Variants in NLRP14 observed in about 807,000 individuals in gnomAD.
The protein encoded by NLRP14 is NLR family pyrin domain containing 14, also known as NACHT, LRR and PYD domains-containing protein 14.
In NLRP14, 105 loss-of-function variants were observed where a neutral mutation model predicts 94.7. The ratio of observed to expected loss-of-function variants is 1.11; its 90% confidence interval spans 0.95 to 1.30. NLRP14 has a LOEUF of 1.30. NLRP14 is among the 50% of genes most tolerant of loss of function. NLRP14 has a pLI of 0.00. For missense variants in NLRP14, 1,362 were observed against 1,254.1 expected, an observed-to-expected ratio of 1.09 and a Z score of -1.30; for synonymous variants, 508 against 459.9, an observed-to-expected ratio of 1.10 and a Z score of -1.34.
At chr11:7,075,305 A>C (rs1268304652), downstream of NLRP14, among the ~76,000 whole-genome samples, 2 of 152,224 alleles carry the variant, frequency 1.3e-5, no homozygotes, top group Non-Finnish European at 2.9e-5. Context: ...CTAGTATTAA[A>C]ATTTTTGAAA....
intron 6 of NLRP14, among the ~76,000 whole-genome samples, chr11:7,054,648 G>A (rs560490923): frequency 2.2e-4 from 34 of 152,114 alleles, no homozygotes; most frequent in African/African-American, 6.3e-4. Context: ...TGGATAATTA[G>A]ATTTTTTTCC....
chr11:7,043,731 A>T lies in NLRP14; in HGVS notation c.1705A>T (p.Asn569Tyr). The change falls in exon 4 of 12, where the codon AAC becomes TAC. Residue 569 changes from asparagine (N) to tyrosine (Y), a missense_variant. Transcript: ENST00000299481. Reference protein sequence around the residue: ...KLLQCMEVLGNSDYSPSQLGF... With the variant: ...KLLQCMEVLGYSDYSPSQLGF... ...ACTTCAGTGTATGGAAGTATTAGGAAACAGTGACTATTCTCCATCACAGCT... is the reference window on the plus strand; with the variant it reads ...ACTTCAGTGTATGGAAGTATTAGGATACAGTGACTATTCTCCATCACAGCT... 6.2e-7 allele frequency: 1 copy of T among 1,614,168 alleles called. No homozygotes were observed. Among genetic ancestry groups the T allele is most frequent in the Non-Finnish European group, 8.5e-7 (1 of 1,180,002 alleles).
chr11:7,090,633 G>C, the NLRP14 span: 1 of 374,302 alleles, frequency 2.7e-6, no homozygotes, highest in East Asian at 6.9e-5. Context: ...ACAGTTCTAA[G>C]ATCTTTGATA....
At chr11:7,086,542 T>C in the NLRP14 span, among the ~76,000 whole-genome samples, 1 of 152,254 alleles carries the variant, frequency 6.6e-6, no homozygotes, top group Non-Finnish European at 1.5e-5. Flanking sequence ...GCAGAATTTA[T>C]ATGCCTTGTG....
rs1238551421 is a variant in NLRP14 at position 7,032,515 on chromosome 11, TAGACATGC to T, written c.-21-6040_-21-6033del. ...TCATGCATGTTTGTAAAATTCTCAG[TAGACATGC>T]AGACATGCAGTTTTTCAAGAGTGTA... On this transcript the variant is annotated intron_variant, in intron 1 of 11. Transcript: ENST00000299481. Among the ~76,000 whole-genome samples the T allele has an allele frequency of 1.2e-4, 18 of 152,316 alleles. No homozygotes were observed. In the East Asian group the frequency reaches 3.1e-3, roughly 26 times the overall value.
the NLRP14 span, among the ~76,000 whole-genome samples, chr11:7,081,331 G>A: frequency 1.2e-3 from 179 of 152,224 alleles, 1 homozygote; most frequent in Non-Finnish European, 6.6e-4. Flanking sequence ...GAGCCAAGTG[G>A]TCTAGGTGGT....
chr11:7,037,707 C>T (rs774086666), intron 1 of NLRP14, among the ~76,000 whole-genome samples: 3 of 152,058 alleles, frequency 2.0e-5, no homozygotes, highest in South Asian at 2.1e-4. Context: ...GAACTGTCAC[C>T]GAGTAAGGGC....
chr11:7,049,551 A>G (rs1852410624), intron 5 of NLRP14, 120 bp from the exon 6 acceptor site: 1 of 771,856 alleles, frequency 1.3e-6, no homozygotes, highest in Non-Finnish European at 2.2e-6. Flanking sequence ...ATTGTTTTAG[A>G]TGAAAATAAG....
chr11:7,024,321 A>T (rs1237966181), intron 1 of NLRP14, among the ~76,000 whole-genome samples: 2 of 152,224 alleles, frequency 1.3e-5, no homozygotes, highest in Admixed American at 6.5e-5. Flanking sequence ...TTTCCAAAAA[A>T]TACCAAGAGG....
chr11:7,049,935 C>G, intron 6 of NLRP14, 97 bp downstream of exon 6: 2 of 1,042,354 alleles, frequency 1.9e-6, no homozygotes, highest in Non-Finnish European at 3.0e-6. Context: ...ATTCATAGGA[C>G]CGGCTTAAAT....
In NLRP14 at chr11:7,043,202, C is replaced by A. The variant is rs1276913740; in HGVS notation, c.1176C>A (p.Thr392=). ...QMEKGGDVTL[T]CQTTTALFTC... is the part of the protein sequence containing the mutation. ...AGAAGGGTGGTGATGTCACATTGACCTGCCAAACAACCACAGCTCTGTTTA... is the reference window on the plus strand; with the variant it reads ...AGAAGGGTGGTGATGTCACATTGACATGCCAAACAACCACAGCTCTGTTTA... Residue 392 remains threonine (T), a synonymous_variant, in exon 4 of 12, where the codon ACC becomes ACA. Coordinates refer to ENST00000299481, the MANE Select transcript of NLRP14 (RefSeq NM_176822.4). 6.2e-7 allele frequency: 1 copy of A among 1,614,010 alleles called. No individual in the cohort carries two copies. Among genetic ancestry groups the A allele is most frequent in the Non-Finnish European group, 8.5e-7 (1 of 1,180,036 alleles).
intron 6 of NLRP14, among the ~76,000 whole-genome samples, chr11:7,056,682 C>G (rs1852520895): frequency 1.3e-5 from 2 of 151,572 alleles, no homozygotes; most frequent in South Asian, 4.2e-4. Context: ...CATTTTTGTT[C>G]TGTTTTGCTT....
At chr11:7,030,922 G>C (rs1214629699) in intron 1 of NLRP14, among the ~76,000 whole-genome samples, 1 of 152,212 alleles carries the variant, frequency 6.6e-6, no homozygotes. Context: ...TGAATCTTCT[G>C]CGGTAAATGA....
At chr11:7,079,233 T>C in the NLRP14 span, among the ~76,000 whole-genome samples, 1 of 152,182 alleles carries the variant, frequency 6.6e-6, no homozygotes, top group Non-Finnish European at 1.5e-5. Flanking sequence ...TAAATTCCCA[T>C]CTAGAGTTAC....
chr11:7,088,609 T>G, the NLRP14 span, among the ~76,000 whole-genome samples: 1 of 152,150 alleles, frequency 6.6e-6, no homozygotes. Context: ...AAAAGATCAG[T>G]AAGGTAAAAT....
rs373914770 is a variant in NLRP14 at position 7,070,411 on chromosome 11, T to A, written c.3101T>A (p.Leu1034Ter). 1.2e-5 allele frequency: 19 copies of A among 1,611,676 alleles called. No homozygotes were observed. In the African/African-American group the frequency reaches 2.3e-4, roughly 19 times the overall value. ...NTLGYEGIVK[L>*]YKVLKSPKCK... ...TTAGGATATGAAGGAATTGTGAAGT[T>A]ATATAAAGTCTTGAAGTCTCCTAAG... is the stretch of plus-strand genomic sequence containing the variant. Residue 1034 changes from leucine (L) to a stop codon, truncating the protein, a stop_gained, in exon 11 of 12, where the codon TTA (leucine) becomes TAA (stop). Coordinates refer to ENST00000299481, the MANE Select transcript of NLRP14 (RefSeq NM_176822.4). LOFTEE classifies it low-confidence loss of function (END_TRUNC).
chr11:7,042,785 C>A lies in NLRP14; in HGVS notation c.759C>A (p.Ser253Arg), dbSNP rs1175643805. 2.5e-6 allele frequency: 4 copies of A among 1,614,144 alleles called. No homozygotes were observed. The highest frequency in any genetic ancestry group is 3.4e-6 in the Non-Finnish European group (4 of 1,180,014). The change falls in exon 4 of 12, where the codon AGC becomes AGA. Residue 253 changes from serine (S) to arginine (R), a missense_variant. Transcript: ENST00000299481. Reference protein sequence around the residue: ...PIEEIMYQPSSLLFIIDSFDE... With the variant: ...PIEEIMYQPSRLLFIIDSFDE... ...AAGAAATCATGTACCAGCCAAGTAG[C>A]CTCTTGTTTATTATTGACAGTTTCG...
the NLRP14 span, chr11:7,090,522 G>T: frequency 1.6e-6 from 1 of 620,938 alleles, no homozygotes; most frequent in Non-Finnish European, 2.9e-6. Context: ...ACAAGCTCCT[G>T]TTAAAAGTAT....
rs1159683812 is a variant in NLRP14, at chr11:7,043,258, T to C, written c.1232T>C (p.Val411Ala). Residue 411 changes from valine (V) to alanine (A), a missense_variant, in exon 4 of 12, where the codon GTA becomes GCA. Val to Ala is a moderately conservative substitution (Grantham distance 64). Coordinates refer to ENST00000299481, the MANE Select transcript of NLRP14 (RefSeq NM_176822.4). ...TCYISSLFTP[V>A]DGGSPSLPNQ... The stretch of plus-strand genomic sequence containing the variant: ...TATATTTCTAGCTTGTTCACACCAG[T>C]AGATGGAGGCTCTCCTAGTCTACCC... 1 of 1,614,120 alleles carries C rather than the reference T, an allele frequency of 6.2e-7. No individual in the cohort carries two copies. The highest frequency in any genetic ancestry group is 1.1e-5 in the South Asian group (1 of 91,066).
Sources: gnomAD v4.1 joint callset for allele counts (sites outside exome capture counted in the v4.1 genomes callset) on GRCh38, gnomAD v4.1.1 for gene constraint, MANE v1.5 for transcripts, NCBI Gene and HGNC (gene_info 2026-07-23, HGNC 2026-07-21) for gene names.